Variants in PATJ observed in about 807,000 individuals in gnomAD.
The protein encoded by PATJ is PATJ crumbs cell polarity complex component.
In PATJ, 190 loss-of-function variants were observed where a neutral mutation model predicts 224.9. The ratio of observed to expected loss-of-function variants is 0.84; its 90% CI spans 0.75 to 0.95. The LOEUF is 0.95. Among genes scored for constraint, PATJ ranks in the 40% least tolerant of loss-of-function variants. The probability of loss-of-function intolerance (pLI) is 0.00; values close to 1 mark genes in which losing one functional copy is unlikely to be tolerated. For synonymous variants in PATJ, 769 were observed against 820.3 expected (o/e 0.94, Z 1.07); for missense variants, 2,121 against 2,270.3 (o/e 0.93, Z 1.34).
At chr1:62,125,898 T>C (rs1665674453) in intron 39 of PATJ, among the ~76,000 whole-genome samples, 1 of 152,166 alleles carries the variant, frequency 6.6e-6, no homozygotes, top group Non-Finnish European at 1.5e-5. Context: ...GCCTCCCAGG[T>C]AATTGGGATT....
chr1:62,107,305 CA>C (rs57079068), intron 33 of PATJ, among the ~76,000 whole-genome samples: 247 of 129,094 alleles, frequency 1.9e-3, no homozygotes, highest in Non-Finnish European at 1.9e-3. Flanking sequence ...GAGTCCATCT[CA>C]AAAAAAAAAA....
chr1:61,873,490 A>G (rs1666935498), intron 20 of PATJ, among the ~76,000 whole-genome samples: 1 of 152,202 alleles, frequency 6.6e-6, no homozygotes. Context: ...TAAAATATAA[A>G]AAGATACTTA....
chr1:62,094,228 C>G (rs901234689), intron 33 of PATJ, among the ~76,000 whole-genome samples: 2 of 151,960 alleles, frequency 1.3e-5, no homozygotes, highest in Admixed American at 1.3e-4. Flanking sequence ...GACCCTGTCT[C>G]TACAAAAAAT....
chr1:61,912,195 G>T (rs576889516), intron 25 of PATJ, among the ~76,000 whole-genome samples: 1 of 151,848 alleles, frequency 6.6e-6, no homozygotes, highest in African/African-American at 2.4e-5. Context: ...TTACTTTCAC[G>T]AGAAATACAG....
intron 27 of PATJ, among the ~76,000 whole-genome samples, chr1:61,942,877 G>A (rs7530734): frequency 0.42 from 63,645 of 151,902 alleles, 14,356 homozygotes; most frequent in East Asian, 0.81. Flanking sequence ...CTGCATATAG[G>A]TTTACTATAC....
intron 41 of PATJ, among the ~76,000 whole-genome samples, chr1:62,131,145 C>T (rs533327739): frequency 5.9e-5 from 9 of 152,148 alleles, no homozygotes; most frequent in African/African-American, 9.7e-5. Flanking sequence ...AAACACTGTG[C>T]GGACTGGGCA....
intron 32 of PATJ, among the ~76,000 whole-genome samples, chr1:62,082,824 T>C (rs1659445158): frequency 6.6e-6 from 1 of 152,204 alleles, no homozygotes. Context: ...AAAGCCATTC[T>C]TGATCCGCGA....
intron 31 of PATJ, among the ~76,000 whole-genome samples, chr1:62,060,978 C>T (rs921622229): frequency 1.3e-5 from 2 of 152,148 alleles, no homozygotes; most frequent in East Asian, 3.9e-4. Flanking sequence ...AGGAGTGAGC[C>T]ACCACGCCCA....
chr1:62,153,167 G>A (rs1014932527), intron 42 of PATJ, among the ~76,000 whole-genome samples, 191 bp from the exon 43 acceptor site: 1 of 152,146 alleles, frequency 6.6e-6, no homozygotes, highest in Non-Finnish European at 1.5e-5. Flanking sequence ...CAAGAATATT[G>A]GTGATTAATT....
chr1:62,083,287 A>AT (rs1479017271), intron 32 of PATJ, among the ~76,000 whole-genome samples: 1 of 152,054 alleles, frequency 6.6e-6, no homozygotes, highest in African/African-American at 2.4e-5. Context: ...ACGCCCAGCT[A>AT]TTTTTTATAT....
At chr1:61,937,531 C>T (rs150967322) in intron 27 of PATJ, among the ~76,000 whole-genome samples, 1 of 151,976 alleles carries the variant, frequency 6.6e-6, no homozygotes, top group East Asian at 1.9e-4. Context: ...TTAAATCCAT[C>T]TGCTTGCTAG....
intron 27 of PATJ, among the ~76,000 whole-genome samples, chr1:61,956,693 G>A (rs1680491362): frequency 6.6e-6 from 1 of 152,204 alleles, no homozygotes; most frequent in African/African-American, 2.4e-5. Context: ...TACATTGGTT[G>A]TGGCTGTTTA....
Position 62,053,585 on chromosome 1 carries a change from G to A in PATJ, c.4125+2527G>A, listed in dbSNP as rs1195190250. 3.3e-5 allele frequency among the ~76,000 whole-genome samples: 5 copies of A among 152,182 alleles called. No individual in the cohort carries two copies. In the East Asian group the frequency reaches 9.6e-4, roughly 29 times the overall value. On this transcript the variant is annotated intron_variant, in intron 31 of 43. Coordinates refer to ENST00000642238, the MANE Select transcript of PATJ (RefSeq NM_001350145.3). The stretch of plus-strand genomic sequence containing the variant: ...AAATACAAAATTAGCCAGGCATGAT[G>A]GCGCATGCCTGTAATCCCAGCTACT...
intron 27 of PATJ, 128 bp downstream of exon 27, chr1:61,927,957 C>T: frequency 1.5e-6 from 1 of 651,670 alleles, no homozygotes; most frequent in Admixed American, 3.3e-5. Context: ...GCTAAAAAAT[C>T]AAATCTATAC....
intron 41 of PATJ, among the ~76,000 whole-genome samples, chr1:62,142,146 G>A (rs1229504348): frequency 6.6e-5 from 10 of 152,008 alleles, no homozygotes; most frequent in Non-Finnish European, 1.5e-4. Flanking sequence ...CTATTTTAGT[G>A]ACTTTCTTCC....
intron 31 of PATJ, among the ~76,000 whole-genome samples, chr1:62,058,478 A>G (rs1654900329): frequency 6.6e-6 from 1 of 152,258 alleles, no homozygotes; most frequent in Non-Finnish European, 1.5e-5. Flanking sequence ...AAAGGCTGTC[A>G]GATACAAATC....
chr1:61,839,703 A>G (rs547798418), intron 17 of PATJ, among the ~76,000 whole-genome samples: 3 of 152,254 alleles, frequency 2.0e-5, no homozygotes, highest in African/African-American at 7.2e-5. Context: ...AACATTAGCC[A>G]TGATATTGCC....
At chr1:61,952,281 A>AAGAGGC in intron 27 of PATJ, 1 of 622,892 alleles carries the variant, frequency 1.6e-6, no homozygotes, top group Non-Finnish European at 3.0e-6. Context: ...AGAGAGAGAA[A>AAGAGGC]AATAGGCCCA....
At chr1:61,993,001 C>T (rs1333017072) in intron 28 of PATJ, among the ~76,000 whole-genome samples, 2 of 152,164 alleles carry the variant, frequency 1.3e-5, no homozygotes, top group Non-Finnish European at 2.9e-5. Flanking sequence ...ATTGAGTATC[C>T]TATGATTCAA....
Sources: gnomAD v4.1 joint callset for allele counts (sites outside exome capture counted in the v4.1 genomes callset) on GRCh38, gnomAD v4.1.1 for gene constraint, MANE v1.5 for transcripts, NCBI Gene and HGNC (gene_info 2026-07-23, HGNC 2026-07-21) for gene names.